The following SUMF1 variants were observed in gnomAD, a reference collection of about 807,000 sequenced individuals.
SUMF1 encodes the protein formylglycine-generating enzyme.
SUMF1 carries 48 observed loss-of-function variants against 47.6 expected under a neutral mutation model. The observed-to-expected ratio is 1.01, with a 90% CI of 0.80 to 1.28. The LOEUF is 1.28. Among genes scored for constraint, SUMF1 ranks in the 50% most tolerant of loss-of-function variants. The probability of loss-of-function intolerance (pLI) is 0.00; values close to 1 mark genes in which losing one functional copy is unlikely to be tolerated. For synonymous variants in SUMF1, 230 were observed against 192.1 expected, an observed-to-expected ratio of 1.20 and a Z score of -1.63; for missense variants, 571 against 485.4, an observed-to-expected ratio of 1.18 and a Z score of -1.66.
intron 1 of SUMF1, among the ~76,000 whole-genome samples, chr3:4,461,348 T>C (rs1559316194): frequency 6.6e-6 from 1 of 152,162 alleles, no homozygotes; most frequent in Non-Finnish European, 1.5e-5. Flanking sequence ...AGTAGAAAAA[T>C]TGAAGACATC....
At chr3:4,280,100 C>T (rs149306153) in intron 8 of SUMF1, among the ~76,000 whole-genome samples, 4 of 151,970 alleles carry the variant, frequency 2.6e-5, no homozygotes, top group African/African-American at 7.2e-5. Flanking sequence ...TTACCACACA[C>T]AAAAAAGATG....
intron 8 of SUMF1, among the ~76,000 whole-genome samples, chr3:4,328,756 C>T (rs1698994284): frequency 6.6e-6 from 1 of 152,128 alleles, no homozygotes; most frequent in Non-Finnish European, 1.5e-5. Flanking sequence ...CCCAACAGTT[C>T]CCCAAAGTCT....
rs1000474090 is a variant in SUMF1, at chr3:4,058,873, C to T, written c.1191+9696G>A. ...GGCTTAGTTAATAGCTTTTATAGTG[C>T]ATTTAATTTTCAATTTGTGAGATGT... On this transcript the variant is annotated intron_variant and NMD_transcript_variant, in intron 9 of 12. Coordinates refer to the SUMF1 transcript ENST00000448413. 6.6e-5 allele frequency among the ~76,000 whole-genome samples: 10 copies of T among 152,052 alleles called. 1 individual carries two copies. The highest frequency in any genetic ancestry group is 1.9e-4 in the African/African-American group (8 of 41,418).
chr3:4,276,326 C>T (rs1183634422), intron 8 of SUMF1, among the ~76,000 whole-genome samples: 1 of 152,122 alleles, frequency 6.6e-6, no homozygotes, highest in Admixed American at 6.6e-5. Context: ...CCTAAAAAGA[C>T]ATAATATGTT....
At chr3:4,213,909 G>A (rs558353958) in intron 8 of SUMF1, among the ~76,000 whole-genome samples, 57 of 152,222 alleles carry the variant, frequency 3.7e-4, no homozygotes, top group African/African-American at 1.3e-3. Context: ...GATTCATAAA[G>A]CAAGTTCTTA....
At chr3:4,177,127 C>G (rs2587946) in intron 8 of SUMF1, among the ~76,000 whole-genome samples, 1 of 151,906 alleles carries the variant, frequency 6.6e-6, no homozygotes, top group Admixed American at 6.6e-5. Context: ...TTAGACAGAT[C>G]AGTGGGACAG....
In SUMF1 at chr3:4,401,353, TG is replaced by T. The variant is rs533603991; in HGVS notation, c.954+9511del. Among the ~76,000 whole-genome samples, 699 of 152,254 alleles carry T rather than the reference TG, an allele frequency of 4.6e-3. 2 individuals are homozygous for T. The highest frequency in any genetic ancestry group is 8.0e-3 in the Non-Finnish European group (547 of 68,010). On this transcript the variant is annotated intron_variant, in intron 7 of 8. Transcript: ENST00000272902. ...CCAGTAATGGGATCGCTGGGTCAAA[TG>T]GTATTTCTAGTTCTAGATCCTTGAG...
intron 8 of SUMF1, among the ~76,000 whole-genome samples, chr3:4,174,732 A>G (rs1052791226): frequency 2.6e-5 from 4 of 152,148 alleles, no homozygotes; most frequent in African/African-American, 4.8e-5. Context: ...AGGATGGGGC[A>G]TCACCTCACC....
At chr3:4,379,718 T>C (rs1700440269) in intron 7 of SUMF1, among the ~76,000 whole-genome samples, 1 of 152,066 alleles carries the variant, frequency 6.6e-6, no homozygotes, top group South Asian at 2.1e-4. Context: ...GGCACACACC[T>C]ATAGTCCCAG....
chr3:4,354,965 C>T (rs1687879), intron 8 of SUMF1, among the ~76,000 whole-genome samples: 4 of 152,042 alleles, frequency 2.6e-5, no homozygotes, highest in East Asian at 3.9e-4. Context: ...GCTTGCCTTA[C>T]AGTGGCACAG....
At chr3:4,328,490 A>C (rs1016428354) in intron 8 of SUMF1, among the ~76,000 whole-genome samples, 2 of 152,146 alleles carry the variant, frequency 1.3e-5, no homozygotes, top group African/African-American at 4.8e-5. Flanking sequence ...GAGCATGCAC[A>C]TCTTACATGG....
chr3:4,146,970 T>C (rs113818702), intron 8 of SUMF1, among the ~76,000 whole-genome samples: 1,744 of 152,242 alleles, frequency 0.011, 37 homozygotes, highest in African/African-American at 0.04. Context: ...AAGTCTTTGC[T>C]ATTGTGAATA....
At chr3:4,088,873 C>T (rs1692726485) in intron 8 of SUMF1, among the ~76,000 whole-genome samples, 1 of 151,968 alleles carries the variant, frequency 6.6e-6, no homozygotes, top group Non-Finnish European at 1.5e-5. Flanking sequence ...AGAAACCACA[C>T]ACAGAAAAAA....
chr3:4,443,527 G>C (rs909882663), intron 3 of SUMF1, among the ~76,000 whole-genome samples: 6 of 152,184 alleles, frequency 3.9e-5, no homozygotes, highest in Admixed American at 1.3e-4. Context: ...ACTTTGGGAG[G>C]CTGAGGTGGA....
chr3:4,087,802 T>C (rs1272513894), intron 8 of SUMF1, among the ~76,000 whole-genome samples: 1 of 152,138 alleles, frequency 6.6e-6, no homozygotes, highest in African/African-American at 2.4e-5. Flanking sequence ...AAGGTCACCA[T>C]ATTTAGTGAA....
In SUMF1 at chr3:4,254,105, C is replaced by A. The variant is rs576435680; in HGVS notation, c.1014+122225G>T. Among the ~76,000 whole-genome samples, 213 of 151,940 alleles carry A rather than the reference C, an allele frequency of 1.4e-3. 1 individual carries two copies. The highest frequency in any genetic ancestry group is 4.1e-3 in the African/African-American group (170 of 41,452). Reference sequence around the variant, plus strand: ...CAGAAAGGACATCCACACCGAAAACCCATCTGTACATCACCATCATCAAAG... The same window carrying A: ...CAGAAAGGACATCCACACCGAAAACACATCTGTACATCACCATCATCAAAG... On this transcript the variant is annotated intron_variant and NMD_transcript_variant, in intron 8 of 12. Coordinates refer to the SUMF1 transcript ENST00000448413.
intron 8 of SUMF1, among the ~76,000 whole-genome samples, chr3:4,219,092 C>T (rs1696005515): frequency 6.6e-6 from 1 of 152,166 alleles, no homozygotes; most frequent in Non-Finnish European, 1.5e-5. Flanking sequence ...ACACACTCCC[C>T]CATACCACCC....
intron 8 of SUMF1, among the ~76,000 whole-genome samples, chr3:4,250,889 G>A (rs193084732): frequency 2.0e-5 from 3 of 152,170 alleles, no homozygotes; most frequent in Admixed American, 6.5e-5. Flanking sequence ...GTTTACCCAC[G>A]GGTTCAAATG....
chr3:4,299,096 C>G (rs534738821), intron 8 of SUMF1, among the ~76,000 whole-genome samples: 1 of 152,342 alleles, frequency 6.6e-6, no homozygotes, highest in South Asian at 2.1e-4. Context: ...ATGACTATCT[C>G]TTCTTTTAAG....
Sources: gnomAD v4.1 joint callset for allele counts (sites outside exome capture counted in the v4.1 genomes callset) on GRCh38, gnomAD v4.1.1 for gene constraint, MANE v1.5 for transcripts, NCBI Gene and HGNC (gene_info 2026-07-23, HGNC 2026-07-21) for gene names.